Variants in ZNF69 observed in about 807,000 individuals in gnomAD.
ZNF69 encodes the protein zinc finger protein 69, also known as ZNF3.
ZNF69 carries 47 observed loss-of-function variants against 50.9 expected under a neutral mutation model. That is an observed-to-expected ratio of 0.92 (90% confidence interval 0.73 to 1.18). The LOEUF (loss-of-function observed/expected upper bound fraction) is 1.18. ZNF69 is among the 50% of genes most tolerant of loss of function. The pLI is 0.00. For missense variants in ZNF69, 717 were observed against 675.1 expected (o/e 1.06, Z -0.69); for synonymous variants, 216 against 223.1 (o/e 0.97, Z 0.29).
chr19:11,979,530 C>T, the ZNF69 span: 1 of 1,600,218 alleles, frequency 6.2e-7, no homozygotes, highest in South Asian at 1.1e-5. Context: ...ACTCACACTG[C>T]AGAGAAACCC....
chr19:11,894,969 A>G (rs1443278283), intron 1 of ZNF69, among the ~76,000 whole-genome samples: 2 of 152,228 alleles, frequency 1.3e-5, no homozygotes, highest in Non-Finnish European at 2.9e-5. Flanking sequence ...AGCGGGGCAT[A>G]GTGCGGTGTT....
At chr19:11,923,535 C>G in the ZNF69 span, among the ~76,000 whole-genome samples, 1 of 152,186 alleles carries the variant, frequency 6.6e-6, no homozygotes, top group Non-Finnish European at 1.5e-5. Context: ...GCAGCTCCCT[C>G]CACCTATCCA....
At chr19:11,978,803 C>T in the ZNF69 span, 1 of 1,614,128 alleles carries the variant, frequency 6.2e-7, no homozygotes, top group Non-Finnish European at 8.5e-7. Context: ...GCAAATCCTT[C>T]AGTTGGTGTC....
the ZNF69 span, among the ~76,000 whole-genome samples, chr19:11,951,338 C>T: frequency 6.6e-6 from 1 of 150,802 alleles, no homozygotes; most frequent in Non-Finnish European, 1.5e-5. Flanking sequence ...AAGTGATTCT[C>T]CTGCTTCAGC....
chr19:11,924,298 G>C, the ZNF69 span, among the ~76,000 whole-genome samples: 1 of 151,994 alleles, frequency 6.6e-6, no homozygotes, highest in African/African-American at 2.4e-5. Context: ...CGGGCGTGGT[G>C]GCGGGCGCCT....
downstream of ZNF69, among the ~76,000 whole-genome samples, chr19:11,918,851 C>T (rs1424186167): frequency 6.6e-6 from 1 of 151,080 alleles, no homozygotes; most frequent in African/African-American, 2.4e-5. Context: ...CAAGGTTATT[C>T]TGTTTTTCAT....
chr19:11,974,135 TTTCTTTCTTTCTTTCTTTCTTTCCTTCC>T, the ZNF69 span, among the ~76,000 whole-genome samples: 61 of 102,612 alleles, frequency 5.9e-4, 1 homozygote, highest in African/African-American at 4.4e-3. Flanking sequence ...CTTTTCTTTC[TTTCTTTCTTTCTTTCTTTCTTTCCTTCC>T]TTCCTTCCTT....
At chr19:11,979,704 A>G in the ZNF69 span, 1 of 1,600,494 alleles carries the variant, frequency 6.2e-7, no homozygotes. Flanking sequence ...CCTGAAGAGA[A>G]GCCCTACGAG....
At chr19:11,957,519 G>A in the ZNF69 span, among the ~76,000 whole-genome samples, 3 of 152,054 alleles carry the variant, frequency 2.0e-5, no homozygotes, top group East Asian at 5.8e-4. Flanking sequence ...CATAAAGTGG[G>A]GTTGCATATA....
chr19:11,973,035 T>A, the ZNF69 span, among the ~76,000 whole-genome samples: 1 of 152,224 alleles, frequency 6.6e-6, no homozygotes, highest in Non-Finnish European at 1.5e-5. Flanking sequence ...AAACCAATAT[T>A]ATTATTACCT....
At chr19:11,921,153 A>G in the ZNF69 span, among the ~76,000 whole-genome samples, 1 of 152,148 alleles carries the variant, frequency 6.6e-6, no homozygotes, top group African/African-American at 2.4e-5. Context: ...AAAGACTAAC[A>G]AATGTCTGGA....
the ZNF69 span, among the ~76,000 whole-genome samples, chr19:11,935,162 C>T: frequency 4.3e-4 from 51 of 117,430 alleles, 1 homozygote; most frequent in Middle Eastern, 5.6e-3. Context: ...GGCGACAGAG[C>T]GAGACTCCGT....
chr19:11,958,856 ATCAT>A, the ZNF69 span, among the ~76,000 whole-genome samples: 1 of 152,128 alleles, frequency 6.6e-6, no homozygotes. Context: ...CATGCATCAG[ATCAT>A]TCATTCGTTT....
the ZNF69 span, among the ~76,000 whole-genome samples, chr19:11,954,065 T>A: frequency 2.0e-5 from 3 of 152,070 alleles, no homozygotes; most frequent in Admixed American, 6.6e-5. Context: ...AGGAAAAAAA[T>A]TTCAGATCAA....
At chr19:11,965,455 GGCAGTTCCGCGCCC>G in the ZNF69 span, among the ~76,000 whole-genome samples, 1 of 152,196 alleles carries the variant, frequency 6.6e-6, no homozygotes, top group Non-Finnish European at 1.5e-5. Context: ...GCCCTCTCTG[GGCAGTTCCGCGCCC>G]GCAGCCCCGC....
At chr19:11,949,180 G>T in the ZNF69 span, 1 of 1,613,076 alleles carries the variant, frequency 6.2e-7, no homozygotes, top group Non-Finnish European at 8.5e-7. Context: ...AACTCACACT[G>T]GAGAGAAACG....
At chr19:11,960,980 C>G in the ZNF69 span, among the ~76,000 whole-genome samples, 2 of 152,116 alleles carry the variant, frequency 1.3e-5, no homozygotes, top group African/African-American at 2.4e-5. Flanking sequence ...TTACTCTCCT[C>G]GAAATATATA....
At chr19:11,913,777 C>G (rs1183583342) in exon 5 of ZNF69, 2 of 165,748 alleles carry the variant, frequency 1.2e-5, no homozygotes, top group Admixed American at 1.3e-4. Flanking sequence ...CAGTACCATA[C>G]CTGCTGTCAG....
chr19:11,971,468 ATATTC>A, the ZNF69 span, among the ~76,000 whole-genome samples: 1 of 152,160 alleles, frequency 6.6e-6, no homozygotes. Flanking sequence ...CCCTCCAACC[ATATTC>A]TATAGAGCAT....
Sources: allele counts gnomAD v4.1 joint callset (sites outside exome capture counted in the v4.1 genomes callset), GRCh38; gene constraint gnomAD v4.1.1; transcripts MANE v1.5; gene names NCBI Gene and HGNC (gene_info 2026-07-23, HGNC 2026-07-21).